Variants in PDE4D observed in about 807,000 individuals in gnomAD.
PDE4D encodes 3',5'-cyclic-AMP phosphodiesterase 4D.
PDE4D carries 24 observed loss-of-function variants against 87.4 expected under a neutral mutation model. The observed-to-expected ratio is 0.27, with a 90% CI of 0.20 to 0.39. The LOEUF is 0.39. Ranked by LOEUF, PDE4D falls within the 10% of genes least tolerant of loss-of-function variation. The pLI is 1.00. For synonymous variants in PDE4D, 384 were observed against 383.2 expected, an observed-to-expected ratio of 1.00 and a Z score of -0.02; for missense variants, 714 against 1,041.0, an observed-to-expected ratio of 0.69 and a Z score of 4.32.
chr5:59,118,146 G>T lies in PDE4D; in HGVS notation c.808+62449C>A, dbSNP rs529609364. Among the ~76,000 whole-genome samples the T allele has an allele frequency of 2.0e-5, 3 of 152,282 alleles. No homozygotes were observed. The South Asian group carries it at 6.2e-4, about 32-fold the overall frequency. On this transcript the variant is annotated intron_variant, in intron 5 of 14. Transcript: ENST00000340635. Reference sequence around the variant, plus strand: ...TACCTTTCTAGCCTCAGTTTCCAGGGCTTACATTGCCCTTTAACTTCTGGC... The same window carrying T: ...TACCTTTCTAGCCTCAGTTTCCAGGTCTTACATTGCCCTTTAACTTCTGGC...
chr5:59,112,100 G>A (rs1360605759), intron 5 of PDE4D, among the ~76,000 whole-genome samples: 1 of 152,166 alleles, frequency 6.6e-6, no homozygotes, highest in Non-Finnish European at 1.5e-5. Context: ...GATGGTCATG[G>A]ATGGCCTAAT....
chr5:59,571,916 A>G (rs943738282), intron 1 of PDE4D, among the ~76,000 whole-genome samples: 2 of 152,242 alleles, frequency 1.3e-5, no homozygotes, highest in Non-Finnish European at 2.9e-5. Flanking sequence ...CCATAAATGG[A>G]AATATTTCAT....
At chr5:60,479,162 A>C (rs527868886) in intron 1 of PDE4D, among the ~76,000 whole-genome samples, 4 of 152,276 alleles carry the variant, frequency 2.6e-5, no homozygotes, top group African/African-American at 7.2e-5. Context: ...GGAGGGGGGA[A>C]GTTTTCATGT....
intron 2 of PDE4D, among the ~76,000 whole-genome samples, chr5:59,198,152 T>G (rs1330411743): frequency 6.6e-6 from 1 of 152,038 alleles, no homozygotes; most frequent in Non-Finnish European, 1.5e-5. Flanking sequence ...TAAAAACAAT[T>G]ATAACAACAA....
chr5:60,335,047 T>C (rs1263231402), intron 1 of PDE4D: 6 of 152,226 alleles, frequency 3.9e-5, no homozygotes, highest in African/African-American at 9.6e-5. Flanking sequence ...CAGCCACCTG[T>C]ATGCAATGTG....
intron 1 of PDE4D, among the ~76,000 whole-genome samples, chr5:60,397,686 C>T (rs1259642811): frequency 1.3e-5 from 2 of 152,118 alleles, no homozygotes. Context: ...GGATAGGAAA[C>T]TTCAGTTAGC....
At chr5:59,648,583 G>A (rs1410396369) in intron 1 of PDE4D, among the ~76,000 whole-genome samples, 1 of 152,134 alleles carries the variant, frequency 6.6e-6, no homozygotes, top group African/African-American at 2.4e-5. Context: ...GATAGGTTGT[G>A]TTTGGACTAA....
intron 5 of PDE4D, among the ~76,000 whole-genome samples, chr5:59,118,625 T>C (rs1002151111): frequency 6.6e-6 from 1 of 152,226 alleles, no homozygotes; most frequent in African/African-American, 2.4e-5. Flanking sequence ...AGAGAGTTTA[T>C]TTACAATTCT....
intron 1 of PDE4D, among the ~76,000 whole-genome samples, chr5:60,358,843 T>C (rs1759828515): frequency 6.6e-6 from 1 of 152,160 alleles, no homozygotes; most frequent in African/African-American, 2.4e-5. Flanking sequence ...GCAAACAAGA[T>C]ATGTGTGCTG....
intron 1 of PDE4D, among the ~76,000 whole-genome samples, chr5:59,498,329 T>A (rs367796195): frequency 6.6e-5 from 10 of 151,048 alleles, no homozygotes; most frequent in Non-Finnish European, 1.3e-4. Flanking sequence ...CATATCAATA[T>A]TAACTTTTGC....
chr5:59,867,264 T>C (rs1390366417), intron 1 of PDE4D, among the ~76,000 whole-genome samples: 1 of 152,080 alleles, frequency 6.6e-6, no homozygotes, highest in African/African-American at 2.4e-5. Flanking sequence ...CAAAGATACT[T>C]TGTATGAAAT....
chr5:60,235,612 C>G (rs888220285), intron 1 of PDE4D, among the ~76,000 whole-genome samples: 3 of 151,592 alleles, frequency 2.0e-5, no homozygotes, highest in Non-Finnish European at 3.0e-5. Context: ...CAAAAGACTC[C>G]AGGGGTCTCC....
chr5:59,764,598 T>C (rs1387814538), intron 1 of PDE4D, among the ~76,000 whole-genome samples: 1 of 150,090 alleles, frequency 6.7e-6, no homozygotes, highest in African/African-American at 2.5e-5. Context: ...ACCTGGTAAA[T>C]ATAGCATATA....
intron 1 of PDE4D, among the ~76,000 whole-genome samples, chr5:59,836,009 C>G (rs1415385634): frequency 6.6e-6 from 1 of 151,950 alleles, no homozygotes; most frequent in African/African-American, 2.4e-5. Flanking sequence ...GTTTCAGATA[C>G]CTCATCTATA....
intron 1 of PDE4D, among the ~76,000 whole-genome samples, chr5:60,305,868 C>T (rs1165653219): frequency 6.6e-6 from 1 of 151,790 alleles, no homozygotes; most frequent in Non-Finnish European, 1.5e-5. Context: ...TAAGAAGAAA[C>T]TAACAGAAAT....
intron 2 of PDE4D, among the ~76,000 whole-genome samples, chr5:60,015,050 GCTGA>G (rs1450434357): frequency 6.6e-6 from 1 of 152,128 alleles, no homozygotes; most frequent in East Asian, 1.9e-4. Context: ...CTTTTGAATG[GCTGA>G]CTTTCTTGCT....
intron 1 of PDE4D, among the ~76,000 whole-genome samples, chr5:59,676,853 T>C (rs1185122025): frequency 1.3e-5 from 2 of 152,144 alleles, no homozygotes; most frequent in African/African-American, 4.8e-5. Context: ...TATAGTGCTA[T>C]AGAACACTAC....
chr5:60,244,025 C>T (rs1476360249), intron 1 of PDE4D, among the ~76,000 whole-genome samples: 1 of 151,834 alleles, frequency 6.6e-6, no homozygotes, highest in Non-Finnish European at 1.5e-5. Context: ...CCCTTGTTTG[C>T]AGATGATATG....
At chr5:59,413,933 T>TAC (rs796188614) in intron 1 of PDE4D, among the ~76,000 whole-genome samples, 2 of 152,124 alleles carry the variant, frequency 1.3e-5, no homozygotes, top group African/African-American at 4.8e-5. Context: ...AATATACACA[T>TAC]ACACACACAC....
Sources: gnomAD v4.1 joint callset for allele counts (sites outside exome capture counted in the v4.1 genomes callset) on GRCh38, gnomAD v4.1.1 for gene constraint, MANE v1.5 for transcripts, NCBI Gene and HGNC (gene_info 2026-07-23, HGNC 2026-07-21) for gene names.